Variants in KDM2B observed in about 807,000 individuals in gnomAD.
The protein encoded by KDM2B is lysine demethylase 2B.
Under a neutral mutation model 150.0 loss-of-function variants are expected in KDM2B, and 26 were observed. That is an observed-to-expected ratio of 0.17 (90% CI 0.13 to 0.24). The LOEUF (loss-of-function observed/expected upper bound fraction) is 0.24. Among genes scored for constraint, KDM2B ranks in the 10% least tolerant of loss-of-function variants. The pLI is 1.00. For synonymous variants in KDM2B, 734 were observed against 729.5 expected (o/e 1.01, Z -0.10); for missense variants, 1,265 against 1,816.9 (o/e 0.70, Z 5.52).
At chr12:121,464,536 AG>A (rs1223783370) in intron 12 of KDM2B, among the ~76,000 whole-genome samples, 4 of 152,226 alleles carry the variant, frequency 2.6e-5, no homozygotes, top group African/African-American at 9.6e-5. Context: ...GCAGCACGAC[AG>A]GTCTCAGGTG....
chr12:121,470,972 C>T (rs534832146), intron 12 of KDM2B, among the ~76,000 whole-genome samples: 1 of 152,304 alleles, frequency 6.6e-6, no homozygotes, highest in South Asian at 2.1e-4. Flanking sequence ...TGTCCTGACA[C>T]CTCTTACAAA....
At chr12:121,439,289 G>A (rs368050621) in intron 22 of KDM2B, among the ~76,000 whole-genome samples, 19 of 152,004 alleles carry the variant, frequency 1.2e-4, no homozygotes, top group African/African-American at 4.6e-4. Flanking sequence ...TCCCTTGTCC[G>A]TATTTTGGGT....
intron 19 of KDM2B, 94 bp from the exon 20 acceptor site, chr12:121,441,327 T>G: frequency 3.9e-6 from 5 of 1,265,958 alleles, no homozygotes; most frequent in Non-Finnish European, 5.5e-6. Flanking sequence ...TAACAACCTC[T>G]GGGAGGCTCC....
intron 12 of KDM2B, among the ~76,000 whole-genome samples, chr12:121,485,566 G>C (rs782168722): frequency 9.2e-5 from 14 of 151,884 alleles, no homozygotes; most frequent in Non-Finnish European, 1.9e-4. Context: ...CTCACCAACT[G>C]TCCCAACTTC....
intron 12 of KDM2B, among the ~76,000 whole-genome samples, chr12:121,457,299 T>A (rs1207739337): frequency 6.6e-6 from 1 of 152,088 alleles, no homozygotes; most frequent in African/African-American, 2.4e-5. Flanking sequence ...TCTCACTGTG[T>A]CACCCAGGCC....
At chr12:121,414,052 A>G in the KDM2B span, among the ~76,000 whole-genome samples, 2 of 152,204 alleles carry the variant, frequency 1.3e-5, no homozygotes, top group South Asian at 2.1e-4. Flanking sequence ...AGAAACAGCC[A>G]TTATCCTTCT....
At chr12:121,502,040 C>T (rs55775225) in intron 11 of KDM2B, among the ~76,000 whole-genome samples, 3,773 of 152,236 alleles carry the variant, frequency 0.025, 143 homozygotes, top group African/African-American at 0.087. Context: ...GTTCCAGGGT[C>T]GGGAACTGAC....
chr12:121,562,854 TGAG>T (rs1555314060), intron 4 of KDM2B, among the ~76,000 whole-genome samples: 1 of 152,070 alleles, frequency 6.6e-6, no homozygotes, highest in South Asian at 2.1e-4. Flanking sequence ...ATATGACTAC[TGAG>T]GAGAACAAAG....
chr12:121,505,743 GCAGGTCAGTC>G (rs1885011286), intron 11 of KDM2B, among the ~76,000 whole-genome samples: 1 of 152,126 alleles, frequency 6.6e-6, no homozygotes, highest in Admixed American at 6.6e-5. Context: ...AAAGATCCTA[GCAGGTCAGTC>G]ATCAACAGGA....
At chr12:121,577,105 T>G (rs879996522) in intron 2 of KDM2B, among the ~76,000 whole-genome samples, 1 of 152,176 alleles carries the variant, frequency 6.6e-6, no homozygotes, top group Non-Finnish European at 1.5e-5. Flanking sequence ...GGGCCAGATC[T>G]GAATTAAAGA....
intron 4 of KDM2B, among the ~76,000 whole-genome samples, chr12:121,553,101 G>A (rs1413241684): frequency 4.6e-5 from 7 of 151,498 alleles, no homozygotes; most frequent in South Asian, 2.1e-4. Context: ...GTGTGGTGGC[G>A]GGCGCCTGTA....
intron 12 of KDM2B, among the ~76,000 whole-genome samples, chr12:121,473,104 T>C (rs1555296123): frequency 6.6e-6 from 1 of 152,124 alleles, no homozygotes; most frequent in Non-Finnish European, 1.5e-5. Flanking sequence ...CAAAATGAGA[T>C]GACAGGTTGG....
intron 12 of KDM2B, among the ~76,000 whole-genome samples, chr12:121,491,331 G>A (rs1883323450): frequency 6.6e-6 from 1 of 152,028 alleles, no homozygotes; most frequent in South Asian, 2.1e-4. Context: ...AAGTCAAATA[G>A]ACAAACTGCA....
At chr12:121,408,910 C>T in the KDM2B span, among the ~76,000 whole-genome samples, 1 of 151,714 alleles carries the variant, frequency 6.6e-6, no homozygotes, top group East Asian at 1.9e-4. Context: ...AAGTTACAGG[C>T]CAATCTGTGG....
intron 11 of KDM2B, among the ~76,000 whole-genome samples, chr12:121,501,166 AG>A (rs1429937642): frequency 9.2e-5 from 14 of 152,046 alleles, no homozygotes; most frequent in Non-Finnish European, 1.8e-4. Context: ...CCCAATGTCA[AG>A]TGTCTTTATA....
intron 19 of KDM2B, 109 bp from the exon 20 acceptor site, chr12:121,441,342 C>T: frequency 9.4e-7 from 1 of 1,066,898 alleles, no homozygotes; most frequent in South Asian, 1.5e-5. Context: ...GGCTCCTTAA[C>T]TCAGCGCTCT....
rs1891453052 is a variant in KDM2B at position 121,575,699 on chromosome 12, A to G, written c.350+82T>C. 1 of 964,438 alleles carries G rather than the reference A, an allele frequency of 1.0e-6. No individual in the cohort carries two copies. Among genetic ancestry groups the G allele is most frequent in the East Asian group, 2.4e-5 (1 of 41,870 alleles). 59.7% of individuals were successfully genotyped at this position (964,438 alleles called of 1,614,324 possible). A position where few individuals can be genotyped will look rare whatever the true frequency, so the allele number is the denominator to read the frequency against. On this transcript the variant is annotated intron_variant, in intron 3 of 22. Coordinates refer to ENST00000377071, the MANE Select transcript of KDM2B (RefSeq NM_032590.5). This position sits in a 1 kb window ranked among gnomAD's most constrained non-coding sequence, Gnocchi z 4.4. ...CTTCTCAGTGATGAGAGGTGGGAAGAGGGTGGAAGAAATCCATCCCAAGCT... is the reference window on the plus strand; with the variant it reads ...CTTCTCAGTGATGAGAGGTGGGAAGGGGGTGGAAGAAATCCATCCCAAGCT...
chr12:121,489,998 C>T (rs911300095), intron 12 of KDM2B, among the ~76,000 whole-genome samples: 10 of 152,184 alleles, frequency 6.6e-5, no homozygotes, highest in African/African-American at 1.7e-4. Context: ...TTCATGACTG[C>T]GGGCCGACAG....
intron 12 of KDM2B, among the ~76,000 whole-genome samples, chr12:121,462,976 T>C: frequency 6.8e-6 from 1 of 147,156 alleles, no homozygotes; most frequent in East Asian, 2.0e-4. Flanking sequence ...ATGGCACCTC[T>C]GCACTCCAGC....
Sources: allele counts gnomAD v4.1 joint callset (sites outside exome capture counted in the v4.1 genomes callset), GRCh38; gene constraint gnomAD v4.1.1; non-coding constraint Gnocchi (gnomAD v3.1); transcripts MANE v1.5; gene names NCBI Gene and HGNC (gene_info 2026-07-23, HGNC 2026-07-21).